Variants in PCM1 observed in about 807,000 individuals in gnomAD.
PCM1 encodes the protein pericentriolar material 1 protein.
In PCM1, 157 loss-of-function variants were observed where a neutral mutation model predicts 241.9. The ratio of observed to expected loss-of-function variants is 0.65; its 90% CI spans 0.57 to 0.74. The LOEUF (loss-of-function observed/expected upper bound fraction) is 0.74, where lower values mean the gene tolerates loss of function less well. Ranked by LOEUF, PCM1 falls within the 30% of genes least tolerant of loss-of-function variation. The probability of loss-of-function intolerance (pLI) is 0.00; values close to 1 mark genes in which losing one functional copy is unlikely to be tolerated. For synonymous variants in PCM1, 1,085 were observed against 784.9 expected, an observed-to-expected ratio of 1.38 and a Z score of -6.39; for missense variants, 3,478 against 2,360.1, an observed-to-expected ratio of 1.47 and a Z score of -9.81.
chr8:18,018,908 AT>A (rs2093523338), intron 36 of PCM1, among the ~76,000 whole-genome samples: 2 of 124,306 alleles, frequency 1.6e-5, no homozygotes, highest in African/African-American at 3.2e-5. Context: ...ACATATATAT[AT>A]ATAAATATAT....
At chr8:17,988,657 A>C (rs1178184252) in intron 26 of PCM1, among the ~76,000 whole-genome samples, 1 of 151,926 alleles carries the variant, frequency 6.6e-6, no homozygotes. Flanking sequence ...TATAAAGCTT[A>C]CAACTCAGTT....
chr8:17,939,017 C>T lies in PCM1; in HGVS notation c.612+8C>T, dbSNP rs374272956. The T allele has an allele frequency of 1.8e-5, 29 of 1,612,660 alleles. No individual in the cohort carries two copies. The highest frequency in any genetic ancestry group is 1.7e-4 in the Middle Eastern group (1 of 6,054). ...GCAATGGAGAGCAGCCAGGTGATAACGTTTGTTTCTTTTGCTCATTCTTTA... is the reference window on the plus strand; with the variant it reads ...GCAATGGAGAGCAGCCAGGTGATAATGTTTGTTTCTTTTGCTCATTCTTTA... On this transcript the variant is annotated splice_region_variant and intron_variant, in intron 5 of 38. Coordinates refer to ENST00000325083, the MANE Select transcript of PCM1 (RefSeq NM_006197.4).
chr8:17,937,666 C>A (rs1245279466), intron 4 of PCM1, among the ~76,000 whole-genome samples: 1 of 152,072 alleles, frequency 6.6e-6, no homozygotes, highest in Non-Finnish European at 1.5e-5. Context: ...ATTTTGGTAA[C>A]TGAATAAAAT....
In PCM1 at chr8:18,017,403, A is replaced by G. The variant is rs766940128; in HGVS notation, c.5841+2563A>G. ...TGGATGGCAAGTCACTGATATGGCT[A>G]TATTAGTCACCATAGCTGAACATTT... On this transcript the variant is annotated intron_variant, in intron 36 of 38. Transcript: ENST00000325083. 4.6e-4 allele frequency among the ~76,000 whole-genome samples: 70 copies of G among 152,242 alleles called. 1 individual carries two copies. Among genetic ancestry groups the G allele is most frequent in the Non-Finnish European group, 5.4e-4 (37 of 68,042 alleles).
intron 34 of PCM1, among the ~76,000 whole-genome samples, chr8:18,012,865 G>A (rs1347346015): frequency 6.6e-6 from 1 of 152,024 alleles, no homozygotes; most frequent in African/African-American, 2.4e-5. Context: ...TATTTCAGCT[G>A]TCATATTTTT....
chr8:17,950,748 T>G, intron 8 of PCM1, 24 bp downstream of exon 8: 1 of 1,291,962 alleles, frequency 7.7e-7, no homozygotes, highest in Non-Finnish European at 1.1e-6. Context: ...TTTAGTATAG[T>G]TGAGTTTAAA....
chr8:18,028,743 T>C lies in PCM1; in HGVS notation c.*1081T>C, dbSNP rs528093718. On this transcript the variant is annotated 3_prime_UTR_variant, in exon 39 of 39. Transcript: ENST00000325083. Reference sequence around the variant, plus strand: ...GTCAACAATGAGTAAGTCAATCTTATAGATTCTTCTTCCTCGAATAAAATA... The same window carrying C: ...GTCAACAATGAGTAAGTCAATCTTACAGATTCTTCTTCCTCGAATAAAATA... 16 of 196,936 alleles carry C rather than the reference T, an allele frequency of 8.1e-5. No individual in the cohort carries two copies. The highest frequency in any genetic ancestry group is 3.8e-4 in the South Asian group (2 of 5,210). The allele number at this position is 196,936 out of a possible 1,614,324, so 12.2% of individuals were successfully genotyped here.
chr8:18,010,487 A>T (rs1450296751), intron 31 of PCM1, 122 bp from the exon 32 acceptor site: 1 of 646,316 alleles, frequency 1.5e-6, no homozygotes, highest in African/African-American at 1.9e-5. Context: ...AAATGATTAG[A>T]AAGTAATACA....
intron 36 of PCM1, among the ~76,000 whole-genome samples, chr8:18,020,664 C>T (rs1421717628): frequency 6.6e-6 from 1 of 152,236 alleles, no homozygotes; most frequent in Non-Finnish European, 1.5e-5. Flanking sequence ...CTGAGCAAGA[C>T]ATGCTGTAAC....
intron 21 of PCM1, among the ~76,000 whole-genome samples, chr8:17,968,418 G>C (rs1407976211): frequency 6.6e-6 from 1 of 152,188 alleles, no homozygotes; most frequent in Non-Finnish European, 1.5e-5. Flanking sequence ...GATTTAGCTG[G>C]TGAACAGAAG....
At chr8:17,954,099 TC>T (rs1340361050) in intron 9 of PCM1, among the ~76,000 whole-genome samples, 1 of 152,222 alleles carries the variant, frequency 6.6e-6, no homozygotes, top group East Asian at 1.9e-4. Context: ...TAGAGTATAA[TC>T]CCAGTTTTTA....
At chr8:17,934,993 C>G (rs1337454290) in intron 2 of PCM1, 1 of 152,172 alleles carries the variant, frequency 6.6e-6, no homozygotes, top group Non-Finnish European at 1.5e-5. Flanking sequence ...GGGTAGTAAG[C>G]ATCACTATTC....
At chr8:17,973,796 C>G (rs929789343) in intron 23 of PCM1, among the ~76,000 whole-genome samples, 1 of 151,982 alleles carries the variant, frequency 6.6e-6, no homozygotes, top group African/African-American at 2.4e-5. Flanking sequence ...GCATTGCACA[C>G]TGCTAACTCC....
Position 17,965,985 on chromosome 8 carries a change from C to A in PCM1, c.2856-14C>A. The A allele has an allele frequency of 6.3e-7, 1 of 1,590,684 alleles. No individual in the cohort carries two copies. Among genetic ancestry groups the A allele is most frequent in the Non-Finnish European group, 8.6e-7 (1 of 1,165,448 alleles). On this transcript the variant is annotated splice_polypyrimidine_tract_variant and intron_variant, in intron 18 of 38. Coordinates refer to ENST00000325083, the MANE Select transcript of PCM1 (RefSeq NM_006197.4). ...ATTATGTATGATGACTTAATGCTTT[C>A]AATCTTGTGTTAGGTGGAAGAACAA...
At chr8:17,960,528 T>A (rs1230590457) in intron 15 of PCM1, 84 bp downstream of exon 15, 2 of 832,486 alleles carry the variant, frequency 2.4e-6, no homozygotes, top group Non-Finnish European at 3.4e-6. Context: ...TTTGTTTTTG[T>A]TTTTCTTTTT....
intron 17 of PCM1, among the ~76,000 whole-genome samples, chr8:17,963,845 C>T (rs757438991): frequency 3.9e-5 from 6 of 152,150 alleles, no homozygotes; most frequent in Non-Finnish European, 7.4e-5. Context: ...TTATGACCTT[C>T]CCTTTTGATA....
Position 18,028,368 on chromosome 8 carries a change from C to T in PCM1, c.*706C>T, listed in dbSNP as rs929976607. On this transcript the variant is annotated 3_prime_UTR_variant, in exon 39 of 39. Transcript: ENST00000325083. ...TCTGGAAAATATTTATCTACATCGC[C>T]TCAGACTAAAAGTAAAAAAAATAAG... 1 of 191,582 alleles carries T rather than the reference C, an allele frequency of 5.2e-6. No individual in the cohort carries two copies. The highest frequency in any genetic ancestry group is 2.3e-5 in the African/African-American group (1 of 42,946). The allele number at this position is 191,582 out of a possible 1,614,324, so 11.9% of individuals were successfully genotyped here.
chr8:18,019,323 C>T (rs149221786), intron 36 of PCM1, among the ~76,000 whole-genome samples: 47 of 152,282 alleles, frequency 3.1e-4, no homozygotes, highest in African/African-American at 1.1e-3. Flanking sequence ...TTCTGTAGAG[C>T]GGCTGTCCTC....
chr8:17,936,502 A>C (rs1470384535), intron 3 of PCM1, among the ~76,000 whole-genome samples: 1 of 152,222 alleles, frequency 6.6e-6, no homozygotes, highest in Non-Finnish European at 1.5e-5. Context: ...AACTATAAGC[A>C]CTTTTTGTAA....
Sources: allele counts gnomAD v4.1 joint callset (sites outside exome capture counted in the v4.1 genomes callset), GRCh38; gene constraint gnomAD v4.1.1; transcripts MANE v1.5; gene names NCBI Gene and HGNC (gene_info 2026-07-23, HGNC 2026-07-21).